Variants in GADL1 observed in about 807,000 individuals in gnomAD.
GADL1 encodes the protein acidic amino acid decarboxylase GADL1.
In GADL1, 71 loss-of-function variants were observed where a neutral mutation model predicts 69.5. The ratio of observed to expected loss-of-function variants is 1.02; its 90% CI spans 0.84 to 1.25. GADL1 has a LOEUF of 1.25. Ranked by LOEUF, GADL1 falls within the 50% of genes most tolerant of loss-of-function variation. The pLI, the probability that GADL1 is intolerant of heterozygous loss-of-function variation, is 0.00. For missense variants in GADL1, 737 were observed against 631.8 expected (o/e 1.17, Z -1.79); for synonymous variants, 254 against 214.4 (o/e 1.18, Z -1.62).
chr3:30,870,234 G>A (rs1425159423), intron 1 of GADL1, among the ~76,000 whole-genome samples: 1 of 151,750 alleles, frequency 6.6e-6, no homozygotes, highest in African/African-American at 2.4e-5. Flanking sequence ...CATAGAATAA[G>A]GACAAGGAGC....
intron 14 of GADL1, among the ~76,000 whole-genome samples, chr3:30,742,452 C>A (rs111986509): frequency 6.6e-6 from 1 of 151,948 alleles, no homozygotes; most frequent in East Asian, 1.9e-4. Flanking sequence ...CAGTTTCTTA[C>A]CTTTTGTGTA....
intron 10 of GADL1, 33 bp downstream of exon 10, chr3:30,834,184 A>G (rs1209033377): frequency 1.3e-6 from 2 of 1,573,956 alleles, no homozygotes; most frequent in South Asian, 1.1e-5. Context: ...TTGCCTGACA[A>G]AAGTTGGCTG....
chr3:30,823,505 C>G (rs540399539), intron 11 of GADL1, among the ~76,000 whole-genome samples: 1 of 151,878 alleles, frequency 6.6e-6, no homozygotes, highest in Non-Finnish European at 1.5e-5. Flanking sequence ...CTGCTAATTC[C>G]CTCAGATACA....
At chr3:30,792,878 T>C (rs950999410) in intron 12 of GADL1, among the ~76,000 whole-genome samples, 8 of 152,098 alleles carry the variant, frequency 5.3e-5, no homozygotes, top group East Asian at 1.9e-4. Context: ...AAACTAATAA[T>C]TGGGGAAGAT....
intron 11 of GADL1, among the ~76,000 whole-genome samples, chr3:30,815,489 T>C (rs145628036): frequency 6.6e-6 from 1 of 152,302 alleles, no homozygotes; most frequent in Non-Finnish European, 1.5e-5. Flanking sequence ...CAGATGTATT[T>C]AGAACAACCA....
At chr3:30,808,807 TCC>T (rs1393182124) in intron 11 of GADL1, among the ~76,000 whole-genome samples, 1 of 152,198 alleles carries the variant, frequency 6.6e-6, no homozygotes. Context: ...TTATAAATAT[TCC>T]CTCTTTCTGG....
intron 13 of GADL1, among the ~76,000 whole-genome samples, chr3:30,780,330 C>T (rs916586675): frequency 6.6e-6 from 1 of 152,130 alleles, no homozygotes; most frequent in Non-Finnish European, 1.5e-5. Context: ...TCCCATGAGC[C>T]AAGGTCATAC....
chr3:30,888,798 T>C (rs1698745097), intron 1 of GADL1, among the ~76,000 whole-genome samples: 1 of 151,944 alleles, frequency 6.6e-6, no homozygotes, highest in South Asian at 2.1e-4. Context: ...AAGAGTTCCC[T>C]ACATGAAAAG....
chr3:30,778,027 A>G (rs1406053803), intron 14 of GADL1, 152 bp downstream of exon 14: 3 of 576,808 alleles, frequency 5.2e-6, no homozygotes, highest in Non-Finnish European at 9.5e-6. Flanking sequence ...AATGTCTACA[A>G]CTGTTTGGCC....
chr3:30,727,530 T>C lies in GADL1; in HGVS notation c.*712A>G, dbSNP rs1274369903. On this transcript the variant is annotated 3_prime_UTR_variant, in exon 15 of 15. Coordinates refer to ENST00000282538, the MANE Select transcript of GADL1 (RefSeq NM_207359.3). ...ATAAATCTCTATGAAGTAAACATCT[T>C]ATACAGTTTCTCTCTTTAAAAATAG... 1 of 152,000 alleles carries C rather than the reference T, an allele frequency of 6.6e-6. No individual in the cohort carries two copies. The highest frequency in any genetic ancestry group is 2.4e-5 in the African/African-American group (1 of 41,412). 9.4% of individuals were successfully genotyped at this position (152,000 alleles called of 1,614,324 possible). A position where few individuals can be genotyped will look rare whatever the true frequency, so the allele number is the denominator to read the frequency against.
At position 30,843,769 on chromosome 3, in the gene GADL1, G is replaced by A. The variant is rs149074810; in HGVS notation, c.786+441C>T. On this transcript the variant is annotated intron_variant, in intron 8 of 14. Coordinates refer to ENST00000282538, the MANE Select transcript of GADL1 (RefSeq NM_207359.3). ...GTTTGGGATTGGAAGCAACCTGGGA[G>A]AATAGGTTGGTCAAGAAATCAAAAA... Among the ~76,000 whole-genome samples the A allele has an allele frequency of 1.2e-3, 178 of 152,298 alleles. 1 individual carries two copies. The highest frequency in any genetic ancestry group is 4.1e-3 in the African/African-American group (169 of 41,566).
At chr3:30,844,946 A>T (rs1480196656) in intron 6 of GADL1, among the ~76,000 whole-genome samples, 52 of 152,174 alleles carry the variant, frequency 3.4e-4, no homozygotes, top group African/African-American at 1.2e-3. Flanking sequence ...CTTAGAATCT[A>T]GTCCACTGCT....
At chr3:30,788,098 CTT>C (rs756078290) in intron 12 of GADL1, among the ~76,000 whole-genome samples, 3 of 152,146 alleles carry the variant, frequency 2.0e-5, no homozygotes, top group Non-Finnish European at 4.4e-5. Flanking sequence ...TCTCTGAACA[CTT>C]TTTCAGAAGA....
intron 14 of GADL1, among the ~76,000 whole-genome samples, chr3:30,744,043 A>T (rs958554822): frequency 5.9e-5 from 9 of 152,216 alleles, no homozygotes; most frequent in Non-Finnish European, 1.2e-4. Context: ...CCTTTGTATT[A>T]TAAACCATTG....
chr3:30,851,512 G>GTCAA (rs1473948642), intron 4 of GADL1, among the ~76,000 whole-genome samples: 1 of 152,102 alleles, frequency 6.6e-6, no homozygotes, highest in Admixed American at 6.6e-5. Flanking sequence ...CAAATCCCTT[G>GTCAA]TCAATGAAGG....
At chr3:30,786,098 T>G (rs761126864) in intron 13 of GADL1, among the ~76,000 whole-genome samples, 1 of 152,230 alleles carries the variant, frequency 6.6e-6, no homozygotes, top group Non-Finnish European at 1.5e-5. Context: ...AGGTCATAAT[T>G]TATTCAATAT....
rs187087389 is a variant in GADL1, at chr3:30,784,106, A to G, written c.1302+2249T>C. The stretch of plus-strand genomic sequence containing the variant: ...AATAGGACTGCTGTTTCTCCCATAC[A>G]TGCTTAGCTATCCACCACTAAAAAC... On this transcript the variant is annotated intron_variant, in intron 13 of 14. Coordinates refer to ENST00000282538, the MANE Select transcript of GADL1 (RefSeq NM_207359.3). 6.3e-3 allele frequency among the ~76,000 whole-genome samples: 963 copies of G among 152,288 alleles called. 8 individuals are homozygous for G. Among genetic ancestry groups the G allele is most frequent in the African/African-American group, 0.022 (925 of 41,568 alleles).
At chr3:30,817,792 C>A (rs1318627709) in intron 11 of GADL1, among the ~76,000 whole-genome samples, 2 of 152,090 alleles carry the variant, frequency 1.3e-5, no homozygotes. Context: ...GATAATAAAA[C>A]AGAAGAATAC....
rs966009812 is a variant in GADL1 at position 30,726,587 on chromosome 3, T to C, written c.*1655A>G. 1.3e-5 allele frequency: 2 copies of C among 151,520 alleles called. No individual in the cohort carries two copies. The highest frequency in any genetic ancestry group is 2.1e-4 in the South Asian group (1 of 4,752). The allele number at this position is 151,520 out of a possible 1,614,324, so 9.4% of individuals were successfully genotyped here. A position where few individuals can be genotyped will look rare whatever the true frequency, so the allele number is the denominator to read the frequency against. On this transcript the variant is annotated 3_prime_UTR_variant, in exon 15 of 15. Transcript: ENST00000282538. ...TTGACCAATAGAGATACCGAGAAACTGTGCACACTAAAATGAAAATAAGCA... is the reference window on the plus strand; with the variant it reads ...TTGACCAATAGAGATACCGAGAAACCGTGCACACTAAAATGAAAATAAGCA...
Sources: gnomAD v4.1 joint callset for allele counts (sites outside exome capture counted in the v4.1 genomes callset) on GRCh38, gnomAD v4.1.1 for gene constraint, MANE v1.5 for transcripts, NCBI Gene and HGNC (gene_info 2026-07-23, HGNC 2026-07-21) for gene names.